Variants in FDX1 observed in about 807,000 individuals in gnomAD.
FDX1 encodes adrenodoxin, mitochondrial.
A neutral mutation model predicts 14.9 loss-of-function variants in FDX1; 9 were observed. The observed-to-expected ratio is 0.60, with a 90% CI of 0.36 to 1.05. FDX1 has a LOEUF of 1.05. Ranked by LOEUF, FDX1 falls within the 50% of genes least tolerant of loss-of-function variation. The pLI, the probability that FDX1 is intolerant of heterozygous loss-of-function variation, is 0.01. For synonymous variants in FDX1, 92 were observed against 99.4 expected (o/e 0.93, Z 0.44); for missense variants, 204 against 237.2 (o/e 0.86, Z 0.92).
At chr11:110,446,309 C>G (rs1003754134) in intron 2 of FDX1, among the ~76,000 whole-genome samples, 1 of 152,200 alleles carries the variant, frequency 6.6e-6, no homozygotes, top group Non-Finnish European at 1.5e-5. Flanking sequence ...CATCTAAACA[C>G]TGCATTTGTC....
intron 2 of FDX1, among the ~76,000 whole-genome samples, chr11:110,436,241 A>G (rs1946368322): frequency 6.6e-6 from 1 of 152,196 alleles, no homozygotes; most frequent in Non-Finnish European, 1.5e-5. Flanking sequence ...GAGTAGAGTT[A>G]AAAGATACCA....
At chr11:110,447,273 CAAAA>C (rs541827807) in intron 2 of FDX1, among the ~76,000 whole-genome samples, 83 of 75,738 alleles carry the variant, frequency 1.1e-3, no homozygotes, top group Non-Finnish European at 1.5e-3. Context: ...ACTAAAAATA[CAAAA>C]AAAAAAAAAA....
intron 2 of FDX1, among the ~76,000 whole-genome samples, chr11:110,444,711 T>TATAC (rs1489064170): frequency 1.0e-4 from 8 of 77,244 alleles, no homozygotes; most frequent in African/African-American, 4.9e-4. Context: ...TATACGTATA[T>TATAC]ATATATATAT....
chr11:110,446,890 G>A (rs1297280858), intron 2 of FDX1, among the ~76,000 whole-genome samples: 1 of 152,204 alleles, frequency 6.6e-6, no homozygotes, highest in African/African-American at 2.4e-5. Flanking sequence ...TAAAAGCCAT[G>A]AGTGGGCCAG....
chr11:110,457,837 C>T (rs1395913607), intron 3 of FDX1, among the ~76,000 whole-genome samples: 3 of 152,132 alleles, frequency 2.0e-5, no homozygotes, highest in African/African-American at 7.2e-5. Context: ...TTAATCCTCA[C>T]AAACATTTTC....
intron 2 of FDX1, among the ~76,000 whole-genome samples, chr11:110,445,963 C>A (rs1404582093): frequency 6.6e-6 from 1 of 152,004 alleles, no homozygotes. Flanking sequence ...CTGAAATAAT[C>A]TTTTTTCCGA....
rs1946582955 is a variant in FDX1, at chr11:110,464,824, G to A, written c.*2356G>A. 6.6e-6 allele frequency: 1 copy of A among 152,086 alleles called. No homozygotes were observed. Among genetic ancestry groups the A allele is most frequent in the Admixed American group, 6.5e-5 (1 of 15,280 alleles). 9.4% of individuals were successfully genotyped at this position (152,086 alleles called of 1,614,324 possible). On this transcript the variant is annotated 3_prime_UTR_variant, in exon 4 of 4. Transcript: ENST00000260270. ...TTCAAATTAGAAAAGTTCAAATGAA[G>A]TTTAATTGTGTTATTTTATAAAACC...
chr11:110,453,492 A>G (rs1201365676), intron 2 of FDX1, among the ~76,000 whole-genome samples: 1 of 151,082 alleles, frequency 6.6e-6, no homozygotes, highest in Non-Finnish European at 1.5e-5. Flanking sequence ...TTTCTTAAAT[A>G]GCCTCTTGTT....
intron 2 of FDX1, among the ~76,000 whole-genome samples, chr11:110,440,831 C>T (rs1946400134): frequency 6.6e-6 from 1 of 152,070 alleles, no homozygotes; most frequent in Non-Finnish European, 1.5e-5. Flanking sequence ...AAAGACATTA[C>T]GGTAGGAATA....
In FDX1 at chr11:110,438,172, TA is replaced by T. The variant is rs561729540; in HGVS notation, c.310+2215del. On this transcript the variant is annotated intron_variant, in intron 2 of 3. Coordinates refer to ENST00000260270, the MANE Select transcript of FDX1 (RefSeq NM_004109.5). ...GTACTGGGATTGCTTGGTTGAATGGTAGTTCCATTTTTAGTTCTTTGAGAAA... is the reference window on the plus strand; with the variant it reads ...GTACTGGGATTGCTTGGTTGAATGGTGTTCCATTTTTAGTTCTTTGAGAAA... Among the ~76,000 whole-genome samples the T allele has an allele frequency of 3.3e-5, 5 of 152,328 alleles. No homozygotes were observed. In the South Asian group the frequency reaches 6.2e-4, roughly 19 times the overall value.
chr11:110,444,687 CGTATATATATATATAT>C lies in FDX1; in HGVS notation c.310+8730_310+8745del, dbSNP rs1565381879. 6.8e-5 allele frequency among the ~76,000 whole-genome samples: 2 copies of C among 29,530 alleles called. 1 individual carries two copies. Among genetic ancestry groups the C allele is most frequent in the African/African-American group, 4.2e-4 (2 of 4,720 alleles). 19.4% of individuals were successfully genotyped at this position (29,530 alleles called of 152,430 possible). On this transcript the variant is annotated intron_variant, in intron 2 of 3. Coordinates refer to ENST00000260270, the MANE Select transcript of FDX1 (RefSeq NM_004109.5). ...ATACGTATATATATATATATATACA[CGTATATATATATATAT>C]ACGTATATATATATATATACGTATA...
rs571726172 is a variant in FDX1, at chr11:110,464,113, A to T, written c.*1645A>T. The T allele has an allele frequency of 4.6e-5, 7 of 152,040 alleles. No homozygotes were observed. Among genetic ancestry groups the T allele is most frequent in the African/African-American group, 1.7e-4 (7 of 41,390 alleles). The allele number at this position is 152,040 out of a possible 1,614,324, so 9.4% of individuals were successfully genotyped here. ...TTTTTTCTAGGGACAGGGTTTTACC[A>T]CGTTGCCCAGGCTGGTCTTGAACTT... On this transcript the variant is annotated 3_prime_UTR_variant, in exon 4 of 4. Transcript: ENST00000260270.
At position 110,435,891 on chromosome 11, in the gene FDX1, C is replaced by G. The variant is rs150960595; in HGVS notation, c.243C>G (p.Thr81=). 9 of 1,611,530 alleles carry G rather than the reference C, an allele frequency of 5.6e-6. No individual in the cohort carries two copies. The highest frequency in any genetic ancestry group is 6.8e-6 in the Non-Finnish European group (8 of 1,178,312). Residue 81 remains threonine, a synonymous_variant, in exon 2 of 4, where the codon ACC becomes ACG. Coordinates refer to ENST00000260270, the MANE Select transcript of FDX1 (RefSeq NM_004109.5). Reference sequence around the variant, plus strand: ...ACCGTGATGGTGAAACATTAACAACCAAAGGAAAAGTTGGTGATTCTCTGC... The same window carrying G: ...ACCGTGATGGTGAAACATTAACAACGAAAGGAAAAGTTGGTGATTCTCTGC... The part of the protein sequence containing the change: ...FINRDGETLT[T]KGKVGDSLLD...
chr11:110,448,028 A>T (rs111237289), intron 2 of FDX1, among the ~76,000 whole-genome samples: 2 of 152,226 alleles, frequency 1.3e-5, no homozygotes, highest in East Asian at 3.8e-4. Context: ...ACTTATAAAC[A>T]TTCTCATTGC....
chr11:110,444,618 A>C (rs893047714), intron 2 of FDX1, among the ~76,000 whole-genome samples: 11 of 142,734 alleles, frequency 7.7e-5, no homozygotes, highest in Non-Finnish European at 1.7e-4. Flanking sequence ...TGTCTCAAAA[A>C]AAAAAGAAAA....
intron 2 of FDX1, among the ~76,000 whole-genome samples, chr11:110,443,004 C>G (rs1350003551): frequency 3.3e-5 from 5 of 152,176 alleles, no homozygotes; most frequent in African/African-American, 1.2e-4. Context: ...AGCTCTCTGC[C>G]TGACGCCATC....
intron 3 of FDX1, among the ~76,000 whole-genome samples, chr11:110,460,583 C>A (rs969633716): frequency 1.3e-5 from 2 of 152,218 alleles, no homozygotes; most frequent in African/African-American, 4.8e-5. Context: ...TCTTAGACCT[C>A]TCAGAGCCAT....
intron 3 of FDX1, among the ~76,000 whole-genome samples, 199 bp from the exon 4 acceptor site, chr11:110,462,155 T>G (rs959353292): frequency 6.6e-6 from 1 of 152,230 alleles, no homozygotes; most frequent in African/African-American, 2.4e-5. Context: ...ACCAAGTTTA[T>G]TGTATTCATA....
At chr11:110,439,902 A>G (rs1226012796) in intron 2 of FDX1, among the ~76,000 whole-genome samples, 1 of 152,166 alleles carries the variant, frequency 6.6e-6, no homozygotes, top group Admixed American at 6.5e-5. Context: ...TATAATAGCC[A>G]TCAATCCCAG....
Sources: allele counts gnomAD v4.1 joint callset (sites outside exome capture counted in the v4.1 genomes callset), GRCh38; gene constraint gnomAD v4.1.1; transcripts MANE v1.5; gene names NCBI Gene and HGNC (gene_info 2026-07-23, HGNC 2026-07-21).